ABLIM2: variants seen among roughly 807,000 people sequenced by gnomAD.
The protein encoded by ABLIM2 is actin-binding LIM protein 2.
Under a neutral mutation model 97.7 loss-of-function variants are expected in ABLIM2, and 53 were observed. The observed-to-expected ratio is 0.54, with a 90% CI of 0.44 to 0.68. The LOEUF (loss-of-function observed/expected upper bound fraction) is 0.68, where lower values mean the gene tolerates loss of function less well. Among genes scored for constraint, ABLIM2 ranks in the 30% least tolerant of loss-of-function variants. ABLIM2 has a pLI of 0.00. For synonymous variants in ABLIM2, 361 were observed against 345.8 expected, an observed-to-expected ratio of 1.04 and a Z score of -0.49; for missense variants, 835 against 867.2, an observed-to-expected ratio of 0.96 and a Z score of 0.47.
In ABLIM2 at chr4:8,023,342, C is replaced by CG. The variant is rs1775226067; in HGVS notation, c.1268-3040dup. 6.6e-6 allele frequency among the ~76,000 whole-genome samples: 1 copy of CG among 152,236 alleles called. No homozygotes were observed. Among genetic ancestry groups the CG allele is most frequent in the Non-Finnish European group, 1.5e-5 (1 of 68,042 alleles). ...CGTCTCCCAAGGCTCCTCTCGGCTG[C>CG]GACCTTTTGCAGACGTTCCTTGTGT... is the stretch of plus-strand genomic sequence containing the variant. On this transcript the variant is annotated intron_variant, in intron 12 of 20. Transcript: ENST00000447017. The surrounding 1 kb of genome is among the most constrained non-coding windows in gnomAD (Gnocchi z 5.7).
chr4:8,053,438 T>C (rs891175504), intron 8 of ABLIM2, among the ~76,000 whole-genome samples: 6 of 152,202 alleles, frequency 3.9e-5, no homozygotes, highest in African/African-American at 1.4e-4. Flanking sequence ...GTGTCACGGG[T>C]GCACATCCTT....
intron 16 of ABLIM2, among the ~76,000 whole-genome samples, chr4:8,000,404 A>C (rs756609789): frequency 3.5e-4 from 53 of 152,108 alleles, no homozygotes; most frequent in Non-Finnish European, 5.9e-4. Context: ...CTTACAGATG[A>C]GGGAACTTCA....
intron 4 of ABLIM2, among the ~76,000 whole-genome samples, chr4:8,086,091 A>G (rs941835826): frequency 1.3e-5 from 2 of 152,288 alleles, no homozygotes; most frequent in South Asian, 2.1e-4. Context: ...CTGCTGCTCA[A>G]TGCTTTCTAG....
In ABLIM2 at chr4:8,128,177, G is replaced by A. The variant is rs141049650; in HGVS notation, c.11-21540C>T. Among the ~76,000 whole-genome samples, 255 of 152,254 alleles carry A rather than the reference G, an allele frequency of 1.7e-3. 2 individuals carry two copies. The highest frequency in any genetic ancestry group is 5.3e-3 in the African/African-American group (219 of 41,548). On this transcript the variant is annotated intron_variant, in intron 1 of 20. Coordinates refer to ENST00000447017, the MANE Select transcript of ABLIM2 (RefSeq NM_001130083.2). The surrounding 1 kb of genome is among the most constrained non-coding windows in gnomAD (Gnocchi z 4.9). ...GTTTCTGCCCCCACCTTCACAGGCC[G>A]TCTTCCCTGTGTGTCTCTGCGTGTC...
intron 20 of ABLIM2, among the ~76,000 whole-genome samples, chr4:7,978,868 G>A (rs1342983911): frequency 6.6e-6 from 1 of 152,228 alleles, no homozygotes; most frequent in Non-Finnish European, 1.5e-5. Flanking sequence ...GGCCACTGGG[G>A]GATGGTCCCA....
rs934676722 is a variant in ABLIM2, at chr4:8,132,191, CT to C, written c.11-25555del. ...GTCCCACGAGGCTGCAATCACCCCC[CT>C]GCTCACTCATGCTCACCCCCTCCCC... On this transcript the variant is annotated intron_variant, in intron 1 of 20. Transcript: ENST00000447017. The surrounding 1 kb of genome is among the most constrained non-coding windows in gnomAD (Gnocchi z 8.0). Among the ~76,000 whole-genome samples the C allele has an allele frequency of 5.9e-5, 9 of 151,852 alleles. No homozygotes were observed. Among genetic ancestry groups the C allele is most frequent in the Non-Finnish European group, 1.2e-4 (8 of 67,950 alleles).
At chr4:8,131,352 C>T (rs758523413) in intron 1 of ABLIM2, among the ~76,000 whole-genome samples, 14 of 152,196 alleles carry the variant, frequency 9.2e-5, no homozygotes, top group East Asian at 1.9e-4. Flanking sequence ...TCTTATATAA[C>T]GCACACTGCT....
At chr4:8,101,764 TCA>T (rs1302997382) in intron 2 of ABLIM2, among the ~76,000 whole-genome samples, 1 of 152,216 alleles carries the variant, frequency 6.6e-6, no homozygotes, top group Non-Finnish European at 1.5e-5. Flanking sequence ...TAACAACACA[TCA>T]CAGTTAAAAC....
In ABLIM2 at chr4:8,147,754, T is replaced by C. The variant is rs947612829; in HGVS notation, c.10+10926A>G. 9.9e-5 allele frequency among the ~76,000 whole-genome samples: 15 copies of C among 152,176 alleles called. No homozygotes were observed. The highest frequency in any genetic ancestry group is 5.9e-4 in the Admixed American group (9 of 15,278). On this transcript the variant is annotated intron_variant, in intron 1 of 20. Transcript: ENST00000447017. The surrounding 1 kb of genome is among the most constrained non-coding windows in gnomAD (Gnocchi z 5.3). Reference sequence around the variant, plus strand: ...CGCCGTTTAGCCTCGGACACTGACATTGAACTGCTGGCCTCCAGAGCTGGG... The same window carrying C: ...CGCCGTTTAGCCTCGGACACTGACACTGAACTGCTGGCCTCCAGAGCTGGG...
At position 8,083,387 on chromosome 4, in the gene ABLIM2, T is replaced by A. The variant is rs1454109954; in HGVS notation, c.455-2585A>T. 6.6e-6 allele frequency among the ~76,000 whole-genome samples: 1 copy of A among 152,180 alleles called. No homozygotes were observed. Among genetic ancestry groups the A allele is most frequent in the Non-Finnish European group, 1.5e-5 (1 of 68,026 alleles). On this transcript the variant is annotated intron_variant, in intron 4 of 20. Transcript: ENST00000447017. This position sits in a 1 kb window ranked among gnomAD's most constrained non-coding sequence, Gnocchi z 4.6. ...CTGCTCTCACTGCCACTGCTGTTGT[T>A]GCCAGGTGGTCCCCTCACGGGTGGC... is the stretch of plus-strand genomic sequence containing the variant.
chr4:8,017,853 C>T (rs1384645590), intron 14 of ABLIM2, among the ~76,000 whole-genome samples: 1 of 152,086 alleles, frequency 6.6e-6, no homozygotes, highest in African/African-American at 2.4e-5. Flanking sequence ...AATTAGCTGG[C>T]ACGATGGTTT....
Position 8,001,490 on chromosome 4 carries a change from G to A in ABLIM2, c.1618+6569C>T, listed in dbSNP as rs1320784502. Among the ~76,000 whole-genome samples, 2 of 152,104 alleles carry A rather than the reference G, an allele frequency of 1.3e-5. No individual in the cohort carries two copies. Among genetic ancestry groups the A allele is most frequent in the Admixed American group, 1.3e-4 (2 of 15,284 alleles). On this transcript the variant is annotated intron_variant, in intron 16 of 20. Transcript: ENST00000447017. This position sits in a 1 kb window ranked among gnomAD's most constrained non-coding sequence, Gnocchi z 4.2. ...TGCTCTGCCTGGGGCCACTGTCCTCGGGGTGGTGTATACCTCCAGCCACAG... is the reference window on the plus strand; with the variant it reads ...TGCTCTGCCTGGGGCCACTGTCCTCAGGGTGGTGTATACCTCCAGCCACAG...
chr4:8,026,598 T>C (rs373554609), intron 12 of ABLIM2, among the ~76,000 whole-genome samples: 2 of 152,278 alleles, frequency 1.3e-5, no homozygotes, highest in African/African-American at 4.8e-5. Context: ...TGGGGAATTA[T>C]TGCATTGCTT....
rs1048099614 is a variant in ABLIM2, at chr4:8,015,654, G to T, written c.1423+3964C>A. ...CACTTCCACTGTTGGCTTTGGGTGG[G>T]CAGGAGTGACAGCCCCCACCTGCCG... is the stretch of plus-strand genomic sequence containing the variant. On this transcript the variant is annotated intron_variant, in intron 14 of 20. Coordinates refer to ENST00000447017, the MANE Select transcript of ABLIM2 (RefSeq NM_001130083.2). This position sits in a 1 kb window ranked among gnomAD's most constrained non-coding sequence, Gnocchi z 4.6. Among the ~76,000 whole-genome samples the T allele has an allele frequency of 6.6e-6, 1 of 152,168 alleles. No homozygotes were observed. Among genetic ancestry groups the T allele is most frequent in the Non-Finnish European group, 1.5e-5 (1 of 68,042 alleles).
At chr4:7,978,166 G>A (rs1199204541) in intron 20 of ABLIM2, among the ~76,000 whole-genome samples, 1 of 152,106 alleles carries the variant, frequency 6.6e-6, no homozygotes. Flanking sequence ...CTGGGAGGTG[G>A]CCGCTCCTGC....
chr4:8,010,822 A>T (rs970096856), intron 14 of ABLIM2: 1 of 155,320 alleles, frequency 6.4e-6, no homozygotes, highest in Non-Finnish European at 1.4e-5. Context: ...AACAGCCGTC[A>T]CCCGGCAGCG....
rs137958188 is a variant in ABLIM2 at position 7,997,362 on chromosome 4, G to A, written c.1619-4435C>T. Among the ~76,000 whole-genome samples the A allele has an allele frequency of 5.5e-4, 84 of 152,214 alleles. 1 individual carries two copies. The highest frequency in any genetic ancestry group is 1.6e-3 in the African/African-American group (68 of 41,526). On this transcript the variant is annotated intron_variant, in intron 16 of 20. Coordinates refer to ENST00000447017, the MANE Select transcript of ABLIM2 (RefSeq NM_001130083.2). ...TGGGATTACAGGCATGAGCCACTGC[G>A]CCCAGCCGCTATTATTTCTTTGAAT...
Position 8,155,237 on chromosome 4 carries a change from TTTG to T in ABLIM2, c.10+3440_10+3442del. The stretch of plus-strand genomic sequence containing the variant: ...TCCACGGTTTGGTGGTTTCTAACAT[TTTG>T]TTGTTACTAGTAAGTCTGAGATGAA... On this transcript the variant is annotated intron_variant, in intron 1 of 20. Transcript: ENST00000447017. The surrounding 1 kb of genome is among the most constrained non-coding windows in gnomAD (Gnocchi z 4.2). Among the ~76,000 whole-genome samples the T allele has an allele frequency of 6.6e-6, 1 of 152,208 alleles. No individual in the cohort carries two copies. Among genetic ancestry groups the T allele is most frequent in the Non-Finnish European group, 1.5e-5 (1 of 68,030 alleles).
chr4:8,062,587 C>A (rs559102110), intron 6 of ABLIM2, among the ~76,000 whole-genome samples: 18 of 152,202 alleles, frequency 1.2e-4, no homozygotes, highest in African/African-American at 4.3e-4. Context: ...TACAGACCCC[C>A]ACCACCACGC....
Sources: allele counts gnomAD v4.1 joint callset (sites outside exome capture counted in the v4.1 genomes callset), GRCh38; gene constraint gnomAD v4.1.1; non-coding constraint Gnocchi (gnomAD v3.1); transcripts MANE v1.5; gene names NCBI Gene and HGNC (gene_info 2026-07-23, HGNC 2026-07-21).